The following GATA4 variants were observed in gnomAD, a reference collection of about 807,000 sequenced individuals.
The protein encoded by GATA4 is transcription factor GATA-4.
A neutral mutation model predicts 37.9 loss-of-function variants in GATA4; 7 were observed. The ratio of observed to expected loss-of-function variants is 0.18; its 90% CI spans 0.11 to 0.35. The LOEUF (loss-of-function observed/expected upper bound fraction) is 0.35. GATA4 is among the 10% of genes least tolerant of loss of function. The pLI is 1.00. For missense variants in GATA4, 647 were observed against 653.0 expected (o/e 0.99, Z 0.10); for synonymous variants, 372 against 292.6 (o/e 1.27, Z -2.77).
intron 2 of GATA4, among the ~76,000 whole-genome samples, chr8:11,735,350 C>A (rs1801402875): frequency 6.6e-6 from 1 of 152,120 alleles, no homozygotes; most frequent in African/African-American, 2.4e-5. Context: ...ACACTAAATT[C>A]AATATAGTGA....
rs143385784 is a variant in GATA4, at chr8:11,757,023, T to A, written c.1089T>A (p.Arg363=). The part of the protein sequence containing the change: ...NATTSSSEEM[R]PIKTEPGLSS... ...CCACCAGCAGCAGCGAGGAGATGCG[T>A]CCCATCAAGACGGAGCCTGGCCTGT... The change falls in exon 6 of 7, where the codon CGT becomes CGA. Residue 363 remains arginine (R), a synonymous_variant. Coordinates refer to ENST00000532059, the MANE Select transcript of GATA4 (RefSeq NM_001308093.3). The A allele has an allele frequency of 3.7e-5, 60 of 1,614,068 alleles. No homozygotes were observed. Among genetic ancestry groups the A allele is most frequent in the Non-Finnish European group, 4.5e-5 (53 of 1,180,046 alleles).
chr8:11,698,325 T>C (rs116244903), intron 1 of GATA4, among the ~76,000 whole-genome samples: 117 of 152,338 alleles, frequency 7.7e-4, no homozygotes, highest in African/African-American at 2.7e-3. Context: ...ATAGAATTCT[T>C]CTCTACTTTG....
intron 5 of GATA4, among the ~76,000 whole-genome samples, chr8:11,755,569 A>T (rs1802517431): frequency 6.6e-6 from 1 of 152,222 alleles, no homozygotes; most frequent in Non-Finnish European, 1.5e-5. Flanking sequence ...GCCAATGTAT[A>T]ATTAACATCA....
At chr8:11,704,876 G>A (rs913929753) in intron 1 of GATA4, among the ~76,000 whole-genome samples, 1 of 152,218 alleles carries the variant, frequency 6.6e-6, no homozygotes, top group Non-Finnish European at 1.5e-5. Context: ...TCGCCCTCGG[G>A]GCTGGGGTCC....
chr8:11,751,606 A>G lies in GATA4; in HGVS notation c.912+1370A>G, dbSNP rs1237303587. On this transcript the variant is annotated intron_variant, in intron 4 of 6. Coordinates refer to ENST00000532059, the MANE Select transcript of GATA4 (RefSeq NM_001308093.3). The stretch of plus-strand genomic sequence containing the variant: ...CAGAAACAGATAGGTCTTGTAGCCT[A>G]ATAAGAAAAGAACAATTGATCTTTC... 2.0e-5 allele frequency among the ~76,000 whole-genome samples: 3 copies of G among 152,352 alleles called. No individual in the cohort carries two copies. The East Asian group carries it at 5.8e-4, about 29-fold the overall frequency.
chr8:11,699,174 G>A (rs1485649932), upstream of GATA4, among the ~76,000 whole-genome samples: 2 of 151,856 alleles, frequency 1.3e-5, no homozygotes, highest in East Asian at 1.9e-4. Context: ...GGAGGTGATC[G>A]GTGCATGTGT....
Position 11,708,844 on chromosome 8 carries a change from G to A in GATA4, c.532G>A (p.Ala178Thr), listed in dbSNP as rs1800026498. ...DVGASWAAAA[A>T]ASAGPFDSPV... ...GGGCGCGTCCTGGGCCGCAGCCGCC[G>A]CCGCCTCCGCCGGCCCCTTCGACAG... Residue 178 changes from alanine (A) to threonine (T), a missense_variant, in exon 2 of 7, where the codon GCC (alanine) becomes ACC (threonine). Physicochemically the swap from Ala to Thr is moderately conservative, Grantham distance 58. Coordinates refer to ENST00000532059, the MANE Select transcript of GATA4 (RefSeq NM_001308093.3). The surrounding 1 kb of genome is among the most constrained non-coding windows in gnomAD (Gnocchi z 6.7). 11 of 1,497,506 alleles carry A rather than the reference G, an allele frequency of 7.3e-6. No homozygotes were observed. The highest frequency in any genetic ancestry group is 9.7e-6 in the Non-Finnish European group (11 of 1,131,244). The allele number at this position is 1,497,506 out of a possible 1,614,324, so 92.8% of individuals were successfully genotyped here. A position where few individuals can be genotyped will look rare whatever the true frequency, so the allele number is the denominator to read the frequency against.
Position 11,758,622 on chromosome 8 carries a change from C to G in GATA4, c.*147C>G, listed in dbSNP as rs371473910. The G allele has an allele frequency of 5.1e-6, 4 of 789,338 alleles. No individual in the cohort carries two copies. In the African/African-American group the frequency reaches 6.8e-5, roughly 14 times the overall value. 48.9% of individuals were successfully genotyped at this position (789,338 alleles called of 1,614,324 possible). On this transcript the variant is annotated 3_prime_UTR_variant, in exon 7 of 7. Transcript: ENST00000532059. ...TGGGAAGAAACTTGAAGTCGACAAT[C>G]TGGTTAGGGGAAGCGGGTGTTGGAT...
intron 2 of GATA4, among the ~76,000 whole-genome samples, chr8:11,734,343 C>G (rs556177620): frequency 1.3e-5 from 2 of 152,212 alleles, no homozygotes; most frequent in African/African-American, 2.4e-5. Flanking sequence ...ACGCTTATTT[C>G]TCAAAGTTCT....
In GATA4 at chr8:11,749,060, C is replaced by T. The variant is rs771792843; in HGVS notation, c.761C>T (p.Pro254Leu). The T allele has an allele frequency of 3.1e-6, 5 of 1,614,230 alleles. No individual in the cohort carries two copies. The highest frequency in any genetic ancestry group is 4.2e-6 in the Non-Finnish European group (5 of 1,180,036). The change falls in exon 3 of 7, where the codon CCG (proline) becomes CTG (leucine). Residue 254 changes from proline (P) to leucine (L), a missense_variant. Coordinates refer to ENST00000532059, the MANE Select transcript of GATA4 (RefSeq NM_001308093.3). The surrounding 1 kb of genome is among the most constrained non-coding windows in gnomAD (Gnocchi z 4.6). ...CACAAGATGAACGGCATCAACCGGC[C>T]GCTCATCAAGCCTCAGCGCCGGCTG... ...LYHKMNGINR[P>L]LIKPQRRLSA...
intron 2 of GATA4, among the ~76,000 whole-genome samples, chr8:11,741,575 G>T (rs1450543407): frequency 2.0e-5 from 3 of 152,260 alleles, no homozygotes; most frequent in Middle Eastern, 3.4e-3. Flanking sequence ...CAGAGGCTCA[G>T]ATTTGAATTC....
intron 1 of GATA4, among the ~76,000 whole-genome samples, chr8:11,681,775 G>C (rs1027389234): frequency 3.3e-5 from 5 of 151,766 alleles, no homozygotes; most frequent in African/African-American, 1.2e-4. Context: ...CACAGCATTC[G>C]TTCTTCTTTT....
intron 2 of GATA4, among the ~76,000 whole-genome samples, chr8:11,724,882 G>A (rs1022581360): frequency 1.3e-5 from 2 of 152,224 alleles, no homozygotes; most frequent in Non-Finnish European, 2.9e-5. Context: ...GGAAGGCCAT[G>A]GGGGAGCCAG....
intron 5 of GATA4, among the ~76,000 whole-genome samples, chr8:11,755,511 A>C (rs538367041): frequency 6.6e-6 from 1 of 152,222 alleles, no homozygotes; most frequent in Non-Finnish European, 1.5e-5. Flanking sequence ...ACGGGGATCC[A>C]GGAGGGCAGG....
rs1447123508 is a variant in GATA4 at position 11,693,554 on chromosome 8, C to CAGAG, written c.-729+895_-729+896insGAGA. Among the ~76,000 whole-genome samples the CAGAG allele has an allele frequency of 2.4e-3, 267 of 113,222 alleles. 2 individuals are homozygous for CAGAG. The highest frequency in any genetic ancestry group is 9.2e-3 in the African/African-American group (248 of 26,858). The allele number at this position is 113,222 out of a possible 152,430, so 74.3% of individuals were successfully genotyped here. ...ACACACACACACACACACACACACA[C>CAGAG]ACACACACAGAGAGAGAGAGAGAGA... is the stretch of plus-strand genomic sequence containing the variant. On this transcript the variant is annotated intron_variant, in intron 1 of 2. Coordinates refer to the GATA4 transcript ENST00000526974.
At chr8:11,697,644 C>G (rs1017812943) in intron 1 of GATA4, 34 of 985,340 alleles carry the variant, frequency 3.5e-5, no homozygotes, top group East Asian at 3.4e-4. Context: ...GCACAGCCCC[C>G]CTTTCAGAGG....
At chr8:11,683,179 C>T in intron 1 of GATA4, 1 of 929,744 alleles carries the variant, frequency 1.1e-6, no homozygotes, top group Non-Finnish European at 1.3e-6. Flanking sequence ...CTAATCTGGA[C>T]AGCAGCAGGA....
chr8:11,697,965 C>A, intron 1 of GATA4: 2 of 985,474 alleles, frequency 2.0e-6, no homozygotes, highest in Non-Finnish European at 2.4e-6. Context: ...GCGCTCCAGC[C>A]GCGGGTGTCC....
chr8:11,680,260 C>T (rs1361829230), intron 1 of GATA4, among the ~76,000 whole-genome samples: 1 of 152,228 alleles, frequency 6.6e-6, no homozygotes, highest in African/African-American at 2.4e-5. Context: ...AGGCGGGAGA[C>T]CAGGCGGTGC....
Sources: gnomAD v4.1 joint callset for allele counts (sites outside exome capture counted in the v4.1 genomes callset) on GRCh38, gnomAD v4.1.1 for gene constraint, Gnocchi (gnomAD v3.1) non-coding constraint, MANE v1.5 for transcripts, NCBI Gene and HGNC (gene_info 2026-07-23, HGNC 2026-07-21) for gene names.